SHISA6: variants seen among roughly 807,000 people sequenced by gnomAD.
The protein encoded by SHISA6 is protein shisa-6.
A neutral mutation model predicts 47.9 loss-of-function variants in SHISA6; 22 were observed. That is an observed-to-expected ratio of 0.46 (90% CI 0.33 to 0.66). The LOEUF is 0.66. SHISA6 is among the 30% of genes least tolerant of loss of function. The probability of loss-of-function intolerance (pLI) is 0.02; values close to 1 mark genes in which losing one functional copy is unlikely to be tolerated. For synonymous variants in SHISA6, 388 were observed against 337.8 expected (o/e 1.15, Z -1.63); for missense variants, 680 against 764.6 (o/e 0.89, Z 1.30).
intron 1 of SHISA6, among the ~76,000 whole-genome samples, chr17:11,246,073 T>C (rs1020846568): frequency 3.3e-5 from 5 of 152,198 alleles, no homozygotes; most frequent in Non-Finnish European, 5.9e-5. Context: ...CTATAATGAA[T>C]TGATCTAAAT....
intron 5 of SHISA6, 23 bp from the exon 6 acceptor site, chr17:11,557,731 C>A: frequency 6.6e-7 from 1 of 1,514,276 alleles, no homozygotes; most frequent in South Asian, 1.3e-5. Context: ...GTTGCCTTCT[C>A]TCACTCTGTC....
At position 11,426,603 on chromosome 17, in the gene SHISA6, A is replaced by G. The variant is rs540556951; in HGVS notation, c.895+47094A>G. ...GAATATGAGATTGTGTAAACCATTTATTGTCACAGCACTGCAAGAAAATAT... is the reference window on the plus strand; with the variant it reads ...GAATATGAGATTGTGTAAACCATTTGTTGTCACAGCACTGCAAGAAAATAT... On this transcript the variant is annotated intron_variant, in intron 3 of 5. Coordinates refer to ENST00000441885, the MANE Select transcript of SHISA6 (RefSeq NM_207386.4). 4.6e-5 allele frequency among the ~76,000 whole-genome samples: 7 copies of G among 152,342 alleles called. No homozygotes were observed. The South Asian group carries it at 1.2e-3, about 27-fold the overall frequency.
At chr17:11,382,605 T>C (rs1011345684) in intron 3 of SHISA6, among the ~76,000 whole-genome samples, 2 of 152,222 alleles carry the variant, frequency 1.3e-5, no homozygotes, top group Non-Finnish European at 2.9e-5. Flanking sequence ...TTTGTTTTAT[T>C]TCTCTATCCT....
intron 4 of SHISA6, among the ~76,000 whole-genome samples, chr17:11,554,516 C>G (rs924049506): frequency 6.6e-6 from 1 of 152,176 alleles, no homozygotes; most frequent in Admixed American, 6.5e-5. Flanking sequence ...CTGCTTTCCA[C>G]GTTTCCACAC....
At chr17:11,308,583 C>T (rs961203991) in intron 2 of SHISA6, among the ~76,000 whole-genome samples, 2 of 152,166 alleles carry the variant, frequency 1.3e-5, no homozygotes, top group Admixed American at 6.5e-5. Context: ...TGATCGGCTA[C>T]GTTCGCTAAG....
In SHISA6 at chr17:11,377,044, T is replaced by G. The variant is rs139854458; in HGVS notation, c.800-2370T>G. Among the ~76,000 whole-genome samples the G allele has an allele frequency of 3.7e-3, 564 of 152,330 alleles. 3 individuals carry two copies. The highest frequency in any genetic ancestry group is 0.014 in the Middle Eastern group (4 of 294). ...TCCCAATGGATGGCTTTGAAAAACA[T>G]AAAAGCTTCATAGACAGTTCAGTGA... On this transcript the variant is annotated intron_variant, in intron 2 of 5. Coordinates refer to ENST00000441885, the MANE Select transcript of SHISA6 (RefSeq NM_207386.4).
intron 2 of SHISA6, among the ~76,000 whole-genome samples, chr17:11,325,376 C>G (rs754281109): frequency 6.6e-6 from 1 of 152,356 alleles, no homozygotes; most frequent in South Asian, 2.1e-4. Context: ...TTACCCTCCC[C>G]ACTGCTGCGG....
At chr17:11,298,543 G>C (rs976006804) in intron 2 of SHISA6, among the ~76,000 whole-genome samples, 4 of 152,192 alleles carry the variant, frequency 2.6e-5, no homozygotes, top group Non-Finnish European at 4.4e-5. Flanking sequence ...AACTCAGGCT[G>C]GGCCAGCAGG....
intron 3 of SHISA6, among the ~76,000 whole-genome samples, chr17:11,546,257 T>C (rs889961943): frequency 1.6e-4 from 24 of 152,276 alleles, no homozygotes; most frequent in African/African-American, 5.8e-4. Context: ...GGGACTTGAA[T>C]TGACTTAGGT....
chr17:11,290,743 A>G (rs1909502653), intron 2 of SHISA6: 1 of 151,788 alleles, frequency 6.6e-6, no homozygotes, highest in Non-Finnish European at 1.5e-5. Context: ...TGTGTTTTGT[A>G]TTTTCTTGCA....
intron 3 of SHISA6, among the ~76,000 whole-genome samples, chr17:11,384,026 A>G (rs1364586089): frequency 6.6e-6 from 1 of 152,136 alleles, no homozygotes; most frequent in African/African-American, 2.4e-5. Context: ...ACATACATAC[A>G]TAAATACATA....
intron 2 of SHISA6, among the ~76,000 whole-genome samples, chr17:11,305,071 A>G (rs1910062004): frequency 6.6e-6 from 1 of 152,138 alleles, no homozygotes; most frequent in Non-Finnish European, 1.5e-5. Context: ...GCACTTCTTC[A>G]TGCGTCACAT....
chr17:11,260,656 C>G (rs7212755), intron 1 of SHISA6, among the ~76,000 whole-genome samples: 5,837 of 152,048 alleles, frequency 0.038, 285 homozygotes, highest in African/African-American at 0.12. Flanking sequence ...CTCTCTCTGT[C>G]TCCTGGTGCC....
chr17:11,257,737 G>A (rs777753364), intron 1 of SHISA6, among the ~76,000 whole-genome samples: 4 of 151,920 alleles, frequency 2.6e-5, no homozygotes, highest in African/African-American at 4.8e-5. Flanking sequence ...GAAAAGCTCA[G>A]TTATCTGGGA....
rs1254893879 is a variant in SHISA6, at chr17:11,271,183, A to G, written c.799+7657A>G. ...AAATATGAAAACATGCCCATGCTGGAGAAAGAGAGCTGGTGGAGAAGGGTA... is the reference window on the plus strand; with the variant it reads ...AAATATGAAAACATGCCCATGCTGGGGAAAGAGAGCTGGTGGAGAAGGGTA... On this transcript the variant is annotated intron_variant, in intron 2 of 5. Coordinates refer to ENST00000441885, the MANE Select transcript of SHISA6 (RefSeq NM_207386.4). Among the ~76,000 whole-genome samples, 4 of 151,938 alleles carry G rather than the reference A, an allele frequency of 2.6e-5. No homozygotes were observed. The East Asian group carries it at 7.7e-4, about 29-fold the overall frequency.
At chr17:11,338,711 C>T (rs147317290) in intron 2 of SHISA6, among the ~76,000 whole-genome samples, 3 of 152,098 alleles carry the variant, frequency 2.0e-5, no homozygotes, top group South Asian at 4.1e-4. Context: ...CCACTACACC[C>T]GGCCACCAGA....
At chr17:11,499,115 C>T (rs1219115540) in intron 3 of SHISA6, among the ~76,000 whole-genome samples, 1 of 152,170 alleles carries the variant, frequency 6.6e-6, no homozygotes, top group Non-Finnish European at 1.5e-5. Flanking sequence ...ACCCAGCCCA[C>T]TGAAGCTTAG....
At chr17:11,422,808 G>A (rs1031676207) in intron 3 of SHISA6, among the ~76,000 whole-genome samples, 5 of 150,332 alleles carry the variant, frequency 3.3e-5, no homozygotes, top group Non-Finnish European at 5.9e-5. Flanking sequence ...GATCTTCACA[G>A]ACTTCACAGA....
chr17:11,301,188 C>T (rs1909915452), intron 2 of SHISA6, among the ~76,000 whole-genome samples: 1 of 152,036 alleles, frequency 6.6e-6, no homozygotes, highest in African/African-American at 2.4e-5. Context: ...TTTTCTTCCT[C>T]CCTAACAGCC....
Sources: gnomAD v4.1 joint callset for allele counts (sites outside exome capture counted in the v4.1 genomes callset) on GRCh38, gnomAD v4.1.1 for gene constraint, MANE v1.5 for transcripts, NCBI Gene and HGNC (gene_info 2026-07-23, HGNC 2026-07-21) for gene names.